PCMTD1: variants seen among roughly 807,000 people sequenced by gnomAD.
PCMTD1 encodes protein-L-isoaspartate (D-aspartate) O-methyltransferase domain containing 1, also known as protein-L-isoaspartate O-methyltransferase domain-containing protein 1.
In PCMTD1, 12 loss-of-function variants were observed where a neutral mutation model predicts 37.6. The observed-to-expected ratio is 0.32, with a 90% CI of 0.20 to 0.52. PCMTD1 has a LOEUF of 0.52. PCMTD1 is among the 20% of genes least tolerant of loss of function. The pLI, the probability that PCMTD1 is intolerant of heterozygous loss-of-function variation, is 0.97. For missense variants in PCMTD1, 235 were observed against 421.3 expected, an observed-to-expected ratio of 0.56 and a Z score of 3.87; for synonymous variants, 117 against 135.8, an observed-to-expected ratio of 0.86 and a Z score of 0.96.
At chr8:51,876,018 C>A (rs2038708317) in intron 1 of PCMTD1, among the ~76,000 whole-genome samples, 1 of 152,130 alleles carries the variant, frequency 6.6e-6, no homozygotes, top group Admixed American at 6.6e-5. Flanking sequence ...ACTATTATAT[C>A]ATTACTGATG....
At position 51,861,222 on chromosome 8, in the gene PCMTD1, C is replaced by G. The variant is rs2038465167; in HGVS notation, c.-71G>C. On this transcript the variant is annotated 5_prime_UTR_variant, in exon 2 of 6. Coordinates refer to ENST00000522514, the MANE Select transcript of PCMTD1 (RefSeq NM_052937.4). ...AGTAGAAATGGCTTCCAATATTGCA[C>G]TTGATTTCCAAAAATAAATTAATCC... 2 of 1,472,306 alleles carry G rather than the reference C, an allele frequency of 1.4e-6. No individual in the cohort carries two copies. Among genetic ancestry groups the G allele is most frequent in the Admixed American group, 2.4e-5 (1 of 42,098 alleles). The allele number at this position is 1,472,306 out of a possible 1,614,324, so 91.2% of individuals were successfully genotyped here.
Position 51,861,068 on chromosome 8 carries a change from T to C in PCMTD1, c.84A>G (p.Arg28=). The C allele has an allele frequency of 6.2e-7, 1 of 1,614,140 alleles. No homozygotes were observed. ...CAATCGCTCTGAAGGCTTGCTCCAC[T>C]CTTTCAGTACGAATATACTGAGCTT... is the stretch of plus-strand genomic sequence containing the variant. The part of the protein sequence containing the change: ...LKEAQYIRTE[R]VEQAFRAIDR... The change falls in exon 2 of 6, where the codon AGA becomes AGG. Residue 28 remains arginine, a synonymous_variant. Coordinates refer to ENST00000522514, the MANE Select transcript of PCMTD1 (RefSeq NM_052937.4).
At chr8:51,882,987 AT>A (rs1169409311) in intron 1 of PCMTD1, among the ~76,000 whole-genome samples, 8 of 144,332 alleles carry the variant, frequency 5.5e-5, no homozygotes, top group Middle Eastern at 3.5e-3. Flanking sequence ...AAAAAAAAAA[AT>A]TAGCCAGGCG....
intron 2 of PCMTD1, among the ~76,000 whole-genome samples, chr8:51,856,642 A>T (rs540539427): frequency 1.3e-5 from 2 of 152,246 alleles, no homozygotes; most frequent in South Asian, 4.1e-4. Flanking sequence ...AACGTAGTGT[A>T]TATCTATACA....
intron 1 of PCMTD1, among the ~76,000 whole-genome samples, chr8:51,871,590 T>G (rs762020764): frequency 3.3e-5 from 5 of 152,178 alleles, no homozygotes; most frequent in African/African-American, 4.8e-5. Context: ...TCTTGTAAAG[T>G]TTTCTTTGGT....
intron 1 of PCMTD1, among the ~76,000 whole-genome samples, chr8:51,876,499 T>C (rs564007504): frequency 1.3e-5 from 2 of 152,262 alleles, no homozygotes; most frequent in South Asian, 2.1e-4. Context: ...CCAGTAACCA[T>C]AAGAAAATCT....
chr8:51,859,428 G>A (rs893643177), intron 2 of PCMTD1, among the ~76,000 whole-genome samples: 1 of 152,112 alleles, frequency 6.6e-6, no homozygotes, highest in Non-Finnish European at 1.5e-5. Context: ...TAAGCTTCTA[G>A]ATTTCTCTTT....
intron 5 of PCMTD1, among the ~76,000 whole-genome samples, chr8:51,824,505 CTTCAAGG>C (rs1438209759): frequency 6.6e-6 from 1 of 152,150 alleles, no homozygotes; most frequent in African/African-American, 2.4e-5. Context: ...TGAAGGACCT[CTTCAAGG>C]AGAACAACAA....
At chr8:51,828,780 T>G (rs2037958491) in intron 5 of PCMTD1, among the ~76,000 whole-genome samples, 1 of 152,196 alleles carries the variant, frequency 6.6e-6, no homozygotes, top group Non-Finnish European at 1.5e-5. Context: ...CACAGCCAAG[T>G]GATAATCACT....
chr8:51,884,135 C>T (rs902543636), intron 1 of PCMTD1, among the ~76,000 whole-genome samples: 3 of 152,078 alleles, frequency 2.0e-5, no homozygotes, highest in Non-Finnish European at 4.4e-5. Flanking sequence ...TTGCTGTCTG[C>T]TGAACATTAC....
chr8:51,848,810 A>AT (rs201073066), intron 2 of PCMTD1: 7 of 152,294 alleles, frequency 4.6e-5, no homozygotes, highest in Middle Eastern at 3.4e-3. Flanking sequence ...ACCATTTATG[A>AT]TTTTTTATAG....
chr8:51,885,571 T>C (rs1439921097), intron 1 of PCMTD1, among the ~76,000 whole-genome samples: 1 of 152,188 alleles, frequency 6.6e-6, no homozygotes, highest in Non-Finnish European at 1.5e-5. Context: ...CTTACATGAT[T>C]ATTAACACAC....
intron 3 of PCMTD1, chr8:51,839,352 G>T: frequency 3.1e-6 from 2 of 643,100 alleles, no homozygotes; most frequent in Non-Finnish European, 3.9e-6. Context: ...AATGTACCCT[G>T]AAAATCATTT....
At chr8:51,883,426 T>C (rs893108001) in intron 1 of PCMTD1, among the ~76,000 whole-genome samples, 3 of 152,014 alleles carry the variant, frequency 2.0e-5, no homozygotes, top group Non-Finnish European at 4.4e-5. Flanking sequence ...TGTATATATA[T>C]GCATATATAG....
At chr8:51,861,281 T>C in intron 1 of PCMTD1, 35 bp from the exon 2 acceptor site, 1 of 1,369,228 alleles carries the variant, frequency 7.3e-7, no homozygotes, top group African/African-American at 1.5e-5. Flanking sequence ...CAGGTTTAAA[T>C]TAATGCTCAA....
chr8:51,823,967 G>A (rs2037884741), intron 5 of PCMTD1, among the ~76,000 whole-genome samples: 1 of 152,052 alleles, frequency 6.6e-6, no homozygotes, highest in African/African-American at 2.4e-5. Flanking sequence ...CTCAACAGAT[G>A]CAGAAAAGGC....
At chr8:51,825,419 G>A (rs1206833334) in intron 5 of PCMTD1, among the ~76,000 whole-genome samples, 1 of 28,516 alleles carries the variant, frequency 3.5e-5, no homozygotes, top group African/African-American at 4.0e-5. Flanking sequence ...TTATGGCCGG[G>A]CGCGGTGGCT....
chr8:51,855,925 C>G (rs1385064687), intron 2 of PCMTD1, among the ~76,000 whole-genome samples: 4 of 152,078 alleles, frequency 2.6e-5, no homozygotes, highest in Non-Finnish European at 4.4e-5. Flanking sequence ...GCCTTGGCCT[C>G]CCAAAGTGCT....
intron 1 of PCMTD1, among the ~76,000 whole-genome samples, chr8:51,872,860 T>C (rs2038658847): frequency 6.6e-6 from 1 of 152,226 alleles, no homozygotes; most frequent in Non-Finnish European, 1.5e-5. Flanking sequence ...ACTGGCCTTG[T>C]CACACTATAT....
Sources: allele counts gnomAD v4.1 joint callset (sites outside exome capture counted in the v4.1 genomes callset), GRCh38; gene constraint gnomAD v4.1.1; transcripts MANE v1.5; gene names NCBI Gene and HGNC (gene_info 2026-07-23, HGNC 2026-07-21).